SGCZ: variants seen among roughly 807,000 people sequenced by gnomAD.
SGCZ encodes sarcoglycan zeta, also known as zeta-sarcoglycan.
SGCZ carries 40 observed loss-of-function variants against 41.3 expected under a neutral mutation model. That is an observed-to-expected ratio of 0.97 (90% CI 0.75 to 1.26). SGCZ has a LOEUF of 1.26. Ranked by LOEUF, SGCZ falls within the 50% of genes most tolerant of loss-of-function variation. The probability of loss-of-function intolerance (pLI) is 0.00; values close to 1 mark genes in which losing one functional copy is unlikely to be tolerated. For missense variants in SGCZ, 552 were observed against 369.8 expected, an observed-to-expected ratio of 1.49 and a Z score of -4.04; for synonymous variants, 206 against 137.5, an observed-to-expected ratio of 1.50 and a Z score of -3.49.
At chr8:14,315,926 G>C (rs1243293667) in intron 3 of SGCZ, among the ~76,000 whole-genome samples, 3 of 151,598 alleles carry the variant, frequency 2.0e-5, no homozygotes, top group Admixed American at 2.0e-4. Context: ...GGCAACATTA[G>C]GTATTAAATG....
chr8:14,168,711 G>A (rs893995675), intron 4 of SGCZ, among the ~76,000 whole-genome samples: 1 of 152,052 alleles, frequency 6.6e-6, no homozygotes, highest in South Asian at 2.1e-4. Flanking sequence ...GGACTAATAC[G>A]CATTGTGAGT....
intron 3 of SGCZ, among the ~76,000 whole-genome samples, chr8:14,300,726 G>T (rs1439766629): frequency 2.0e-5 from 3 of 151,846 alleles, no homozygotes; most frequent in African/African-American, 7.2e-5. Flanking sequence ...GATGATTAGT[G>T]ATGATCATTT....
At chr8:14,287,463 G>T (rs1366407965) in intron 3 of SGCZ, among the ~76,000 whole-genome samples, 2 of 151,702 alleles carry the variant, frequency 1.3e-5, no homozygotes, top group Non-Finnish European at 2.9e-5. Context: ...TGGCCCCAAG[G>T]TTTACAGTTT....
At chr8:14,735,130 G>A (rs529706720) in intron 1 of SGCZ, among the ~76,000 whole-genome samples, 1 of 152,120 alleles carries the variant, frequency 6.6e-6, no homozygotes, top group Non-Finnish European at 1.5e-5. Context: ...TGATTTTGAT[G>A]CTTTCTCAGG....
chr8:14,434,797 C>A (rs945893642), intron 2 of SGCZ, among the ~76,000 whole-genome samples: 1 of 151,958 alleles, frequency 6.6e-6, no homozygotes, highest in Non-Finnish European at 1.5e-5. Context: ...GGCACGGTAA[C>A]GCATGCCTGC....
chr8:14,502,371 C>T (rs1026336382), intron 2 of SGCZ, among the ~76,000 whole-genome samples: 4 of 151,956 alleles, frequency 2.6e-5, no homozygotes, highest in South Asian at 2.1e-4. Flanking sequence ...TATTCATGTA[C>T]GCATGAATTT....
chr8:14,463,853 T>C (rs1209414611), intron 2 of SGCZ, among the ~76,000 whole-genome samples: 1 of 151,442 alleles, frequency 6.6e-6, no homozygotes, highest in Non-Finnish European at 1.5e-5. Context: ...CAAATGTTTG[T>C]TTGTTTCTGC....
At chr8:14,865,022 T>A (rs1406181265) in intron 1 of SGCZ, among the ~76,000 whole-genome samples, 1 of 152,092 alleles carries the variant, frequency 6.6e-6, no homozygotes, top group African/African-American at 2.4e-5. Flanking sequence ...TTGAATTGAG[T>A]TCCCTGCATA....
chr8:14,334,829 C>CT (rs1394599598), intron 2 of SGCZ, among the ~76,000 whole-genome samples: 2 of 152,032 alleles, frequency 1.3e-5, no homozygotes, highest in Admixed American at 6.6e-5. Flanking sequence ...AAAAAGTTCA[C>CT]TTTTTTACTT....
intron 2 of SGCZ, among the ~76,000 whole-genome samples, chr8:14,428,696 T>A (rs1903601): frequency 0.55 from 84,103 of 152,088 alleles, 24,740 homozygotes; most frequent in East Asian, 0.79. Flanking sequence ...ACTGATTTAT[T>A]TGGAAATGCA....
At chr8:14,985,221 T>G (rs1309396287) in intron 1 of SGCZ, among the ~76,000 whole-genome samples, 1 of 152,180 alleles carries the variant, frequency 6.6e-6, no homozygotes, top group Non-Finnish European at 1.5e-5. Flanking sequence ...GAAAACTGTA[T>G]CAAGGTGCCT....
At chr8:14,962,964 C>G (rs553766848) in intron 1 of SGCZ, among the ~76,000 whole-genome samples, 3 of 152,108 alleles carry the variant, frequency 2.0e-5, no homozygotes, top group African/African-American at 7.2e-5. Flanking sequence ...AAGTAGGTCT[C>G]CTCAGGGTTT....
chr8:14,838,307 T>TA (rs1213118689), intron 1 of SGCZ, among the ~76,000 whole-genome samples: 1 of 152,078 alleles, frequency 6.6e-6, no homozygotes, highest in African/African-American at 2.4e-5. Context: ...TTTGGTATCT[T>TA]AAAAAAACAA....
chr8:14,332,419 C>A (rs966292421), intron 2 of SGCZ: 1 of 151,284 alleles, frequency 6.6e-6, no homozygotes, highest in Admixed American at 6.6e-5. Context: ...CCAGCCTGGG[C>A]GACAGAGAGA....
At chr8:14,196,530 G>A (rs1805272420) in intron 4 of SGCZ, among the ~76,000 whole-genome samples, 1 of 152,132 alleles carries the variant, frequency 6.6e-6, no homozygotes, top group Non-Finnish European at 1.5e-5. Context: ...CGATTTCACT[G>A]CTAGCTATCA....
intron 2 of SGCZ, among the ~76,000 whole-genome samples, chr8:14,460,455 T>C (rs1563344069): frequency 6.6e-6 from 1 of 152,150 alleles, no homozygotes; most frequent in African/African-American, 2.4e-5. Flanking sequence ...TCACTGGGTG[T>C]CAGTGCTCAC....
chr8:14,091,096 C>G (rs1253443556), intron 7 of SGCZ, among the ~76,000 whole-genome samples: 3 of 151,866 alleles, frequency 2.0e-5, no homozygotes, highest in Admixed American at 6.6e-5. Flanking sequence ...GTTTGGTTTT[C>G]TTTTCTTGTT....
chr8:14,295,975 T>G (rs1563241578), intron 3 of SGCZ, among the ~76,000 whole-genome samples: 1 of 152,150 alleles, frequency 6.6e-6, no homozygotes, highest in African/African-American at 2.4e-5. Context: ...GAACAGCTAC[T>G]GGAGAACTGT....
chr8:15,006,903 T>C (rs1316233560), intron 1 of SGCZ, among the ~76,000 whole-genome samples: 1 of 152,206 alleles, frequency 6.6e-6, no homozygotes, highest in Non-Finnish European at 1.5e-5. Context: ...AGCAAAAATG[T>C]TGACTTTTGT....
Sources: allele counts gnomAD v4.1 joint callset (sites outside exome capture counted in the v4.1 genomes callset), GRCh38; gene constraint gnomAD v4.1.1; transcripts MANE v1.5; gene names NCBI Gene and HGNC (gene_info 2026-07-23, HGNC 2026-07-21).